The following CBLN2 variants were observed in gnomAD, a reference collection of about 807,000 sequenced individuals.
The protein encoded by CBLN2 is cerebellin-2.
A neutral mutation model predicts 15.0 loss-of-function variants in CBLN2; 7 were observed. That is an observed-to-expected ratio of 0.47 (90% confidence interval 0.27 to 0.88). CBLN2 has a LOEUF of 0.88. Among genes scored for constraint, CBLN2 ranks in the 40% least tolerant of loss-of-function variants. The pLI, the probability that CBLN2 is intolerant of heterozygous loss-of-function variation, is 0.14. For missense variants in CBLN2, 242 were observed against 304.5 expected, an observed-to-expected ratio of 0.79 and a Z score of 1.53; for synonymous variants, 149 against 135.2, an observed-to-expected ratio of 1.10 and a Z score of -0.71.
intron 1 of CBLN2, among the ~76,000 whole-genome samples, chr18:72,562,204 G>A (rs551031287): frequency 3.3e-5 from 5 of 152,220 alleles, no homozygotes; most frequent in Middle Eastern, 3.4e-3. Context: ...ACTGATACGG[G>A]GTGTGAGGAG....
At chr18:72,613,016 A>T (rs991274051) in intron 1 of CBLN2, among the ~76,000 whole-genome samples, 1 of 151,984 alleles carries the variant, frequency 6.6e-6, no homozygotes, top group Non-Finnish European at 1.5e-5. Flanking sequence ...ATTTTCCAGC[A>T]CTCATTGGAG....
At chr18:72,573,039 C>A (rs1378561390) in intron 1 of CBLN2, among the ~76,000 whole-genome samples, 1 of 152,038 alleles carries the variant, frequency 6.6e-6, no homozygotes, top group Non-Finnish European at 1.5e-5. Context: ...TGTTTTGTGG[C>A]TTTGTGATTT....
chr18:72,610,838 T>C (rs751584043), intron 1 of CBLN2, among the ~76,000 whole-genome samples: 23 of 152,144 alleles, frequency 1.5e-4, no homozygotes, highest in Non-Finnish European at 2.2e-4. Flanking sequence ...TGGGATACAA[T>C]TGGTCACTTG....
intron 1 of CBLN2, among the ~76,000 whole-genome samples, chr18:72,577,710 G>T (rs2069377051): frequency 6.6e-6 from 1 of 152,164 alleles, no homozygotes; most frequent in Non-Finnish European, 1.5e-5. Context: ...TTTCTAACGT[G>T]CTTTGGTGCC....
At chr18:72,558,736 A>G (rs1162554726) in intron 1 of CBLN2, among the ~76,000 whole-genome samples, 3 of 152,194 alleles carry the variant, frequency 2.0e-5, no homozygotes, top group Admixed American at 6.5e-5. Flanking sequence ...AATATTTTCT[A>G]TTGTATAAGC....
chr18:72,592,465 T>C (rs571014209), intron 1 of CBLN2, among the ~76,000 whole-genome samples: 20 of 152,150 alleles, frequency 1.3e-4, no homozygotes, highest in African/African-American at 4.6e-4. Flanking sequence ...TGTTGATTGT[T>C]TCCTATGTTA....
chr18:72,597,533 C>A (rs2069520870), intron 1 of CBLN2, among the ~76,000 whole-genome samples: 1 of 152,180 alleles, frequency 6.6e-6, no homozygotes, highest in Non-Finnish European at 1.5e-5. Flanking sequence ...CCCATGGTAA[C>A]CATAGTCTAG....
intron 1 of CBLN2, among the ~76,000 whole-genome samples, chr18:72,558,229 G>C (rs927408459): frequency 1.3e-5 from 2 of 152,162 alleles, no homozygotes; most frequent in African/African-American, 2.4e-5. Context: ...TAGGCACATG[G>C]GGGCTCAGTC....
intron 1 of CBLN2, among the ~76,000 whole-genome samples, chr18:72,570,683 A>G (rs2069326697): frequency 6.6e-6 from 1 of 152,130 alleles, no homozygotes; most frequent in Non-Finnish European, 1.5e-5. Context: ...CAGGACATCC[A>G]AGCATCAAAA....
At chr18:72,538,819 G>C (rs754305298) in intron 3 of CBLN2, 47 bp from the exon 4 acceptor site, 1 of 1,598,662 alleles carries the variant, frequency 6.3e-7, no homozygotes, top group South Asian at 1.1e-5. Context: ...GCCCCTCCTC[G>C]GTGTATGTTT....
intron 1 of CBLN2, chr18:72,620,735 C>T (rs564284394): frequency 6.6e-6 from 1 of 152,240 alleles, no homozygotes; most frequent in African/African-American, 2.4e-5. Flanking sequence ...TTTCTTGCCT[C>T]CTGCCTCTAT....
intron 1 of CBLN2, among the ~76,000 whole-genome samples, chr18:72,623,879 A>G (rs2069717023): frequency 6.6e-6 from 1 of 152,118 alleles, no homozygotes; most frequent in Non-Finnish European, 1.5e-5. Context: ...CAACTACTGG[A>G]TCTTTAGTAT....
At chr18:72,571,819 A>G (rs1379897162) in intron 1 of CBLN2, among the ~76,000 whole-genome samples, 1 of 152,240 alleles carries the variant, frequency 6.6e-6, no homozygotes, top group African/African-American at 2.4e-5. Flanking sequence ...GACTTAAATG[A>G]GAGCACTGAC....
upstream of CBLN2, among the ~76,000 whole-genome samples, chr18:72,545,500 G>T (rs2069151760): frequency 6.6e-6 from 1 of 152,198 alleles, no homozygotes; most frequent in East Asian, 1.9e-4. Context: ...TTGCCAGGAT[G>T]CTTTTTCAAA....
At chr18:72,636,192 C>G (rs1029467158) in intron 1 of CBLN2, among the ~76,000 whole-genome samples, 1 of 152,116 alleles carries the variant, frequency 6.6e-6, no homozygotes, top group Non-Finnish European at 1.5e-5. Flanking sequence ...CTAAATAACA[C>G]TTCACTGAAA....
intron 1 of CBLN2, among the ~76,000 whole-genome samples, chr18:72,560,856 A>C (rs2069255715): frequency 6.6e-6 from 1 of 152,094 alleles, no homozygotes; most frequent in South Asian, 2.1e-4. Context: ...AAAAATACAA[A>C]AAATTAGCCG....
intron 1 of CBLN2, among the ~76,000 whole-genome samples, chr18:72,631,615 A>G (rs1446211042): frequency 6.6e-6 from 1 of 152,124 alleles, no homozygotes; most frequent in African/African-American, 2.4e-5. Flanking sequence ...TAACAGTGTC[A>G]CATCTCAACT....
At chr18:72,614,117 G>C (rs377355201) in intron 1 of CBLN2, among the ~76,000 whole-genome samples, 1 of 152,076 alleles carries the variant, frequency 6.6e-6, no homozygotes, top group Non-Finnish European at 1.5e-5. Context: ...TATCCTCAAA[G>C]GAACATTCAC....
chr18:72,619,081 G>T (rs2069682394), intron 1 of CBLN2: 1 of 747,276 alleles, frequency 1.3e-6, no homozygotes, highest in South Asian at 1.3e-5. Flanking sequence ...TCAAATTTTG[G>T]ACCCATGAAG....
Sources: gnomAD v4.1 joint callset for allele counts (sites outside exome capture counted in the v4.1 genomes callset) on GRCh38, gnomAD v4.1.1 for gene constraint, MANE v1.5 for transcripts, NCBI Gene and HGNC (gene_info 2026-07-23, HGNC 2026-07-21) for gene names.